NR2C2: variants seen among roughly 807,000 people sequenced by gnomAD.
NR2C2 encodes nuclear receptor subfamily 2 group C member 2, also known as Nuclear hormone receptor TR4.
Under a neutral mutation model 62.9 loss-of-function variants are expected in NR2C2, and 6 were observed. The observed-to-expected ratio is 0.10, with a 90% confidence interval of 0.05 to 0.19. The LOEUF (loss-of-function observed/expected upper bound fraction) is 0.19. Among genes scored for constraint, NR2C2 ranks in the 10% least tolerant of loss-of-function variants. The pLI is 1.00. For missense variants in NR2C2, 479 were observed against 762.7 expected, an observed-to-expected ratio of 0.63 and a Z score of 4.38; for synonymous variants, 272 against 273.8, an observed-to-expected ratio of 0.99 and a Z score of 0.07.
intron 1 of NR2C2, among the ~76,000 whole-genome samples, chr3:14,980,574 A>G (rs185073822): frequency 6.6e-6 from 1 of 152,354 alleles, no homozygotes; most frequent in East Asian, 1.9e-4. Context: ...AGCCACATGG[A>G]AAAATGGGGC....
intron 1 of NR2C2, among the ~76,000 whole-genome samples, chr3:14,952,032 C>G (rs1432797642): frequency 6.6e-6 from 1 of 152,242 alleles, no homozygotes; most frequent in African/African-American, 2.4e-5. Context: ...AGGTGTGAGC[C>G]ACTGCGCCCA....
Position 15,043,016 on chromosome 3 carries a change from C to T in NR2C2, c.*8C>T. The T allele has an allele frequency of 6.2e-7, 1 of 1,611,666 alleles. No homozygotes were observed. Among genetic ancestry groups the T allele is most frequent in the East Asian group, 2.2e-5 (1 of 44,836 alleles). ...ACCGGAGCCAGTCTATAGCGCAAACCACACACCTGCCAAGGAGCAACAGAA... is the reference window on the plus strand; with the variant it reads ...ACCGGAGCCAGTCTATAGCGCAAACTACACACCTGCCAAGGAGCAACAGAA... On this transcript the variant is annotated 3_prime_UTR_variant, in exon 14 of 14. Coordinates refer to ENST00000425241, the MANE Select transcript of NR2C2 (RefSeq NM_001291694.2).
At chr3:14,952,363 G>A (rs981511745) in intron 1 of NR2C2, among the ~76,000 whole-genome samples, 8 of 152,166 alleles carry the variant, frequency 5.3e-5, no homozygotes, top group African/African-American at 1.9e-4. Flanking sequence ...CATATCGAGG[G>A]CCCTCCGTTG....
intron 4 of NR2C2, among the ~76,000 whole-genome samples, chr3:15,019,031 A>T (rs1468189361): frequency 4.0e-5 from 6 of 149,266 alleles, no homozygotes; most frequent in Admixed American, 3.3e-4. Context: ...AAAAAAAAAA[A>T]AAAAAAAAGA....
chr3:15,014,663 C>T (rs1475749836), intron 3 of NR2C2, among the ~76,000 whole-genome samples: 1 of 152,110 alleles, frequency 6.6e-6, no homozygotes, highest in East Asian at 1.9e-4. Context: ...CCCCCTCCCC[C>T]AGCCCCTGGT....
intron 6 of NR2C2, 86 bp from the exon 7 acceptor site, chr3:15,024,029 A>T: frequency 1.0e-6 from 1 of 958,288 alleles, no homozygotes; most frequent in Middle Eastern, 2.8e-4. Flanking sequence ...CAGCTTCACA[A>T]ATGTGGAAGG....
chr3:15,012,977 TC>T (rs1180803365), intron 2 of NR2C2, among the ~76,000 whole-genome samples: 1 of 152,108 alleles, frequency 6.6e-6, no homozygotes. Context: ...TTTATTGTCG[TC>T]TCTCTATGTG....
intron 5 of NR2C2, among the ~76,000 whole-genome samples, chr3:15,022,753 C>T (rs914598837): frequency 2.0e-5 from 3 of 152,066 alleles, no homozygotes; most frequent in Admixed American, 6.6e-5. Flanking sequence ...CAGCTGGGCA[C>T]GGTGGCTTAT....
Position 15,029,870 on chromosome 3 carries a change from GAA to G in NR2C2, c.933-403_933-402del, listed in dbSNP as rs569734404. On this transcript the variant is annotated intron_variant, in intron 8 of 13. Transcript: ENST00000425241. ...AGATAGACCCCATCTCTGAAAGAGA[GAA>G]AGAAAAAGAGAAAGAGACAAAGAGA... Among the ~76,000 whole-genome samples, 49 of 150,000 alleles carry G rather than the reference GAA, an allele frequency of 3.3e-4. 2 individuals are homozygous for G. The South Asian group carries it at 0.01, about 31-fold the overall frequency.
intron 1 of NR2C2, among the ~76,000 whole-genome samples, chr3:14,964,385 ACCTC>A (rs1419561558): frequency 6.6e-6 from 1 of 152,190 alleles, no homozygotes; most frequent in Admixed American, 6.5e-5. Context: ...TGTCAGGAGT[ACCTC>A]CTACCACTAT....
At chr3:15,022,469 G>T (rs1032426575) in intron 5 of NR2C2, among the ~76,000 whole-genome samples, 3 of 139,236 alleles carry the variant, frequency 2.2e-5, no homozygotes, top group Non-Finnish European at 3.0e-5. Context: ...GTGGTGCCGC[G>T]TCTTGGCTCA....
At chr3:15,029,256 A>G (rs2125052306) in intron 8 of NR2C2, among the ~76,000 whole-genome samples, 1 of 151,928 alleles carries the variant, frequency 6.6e-6, no homozygotes, top group Non-Finnish European at 1.5e-5. Flanking sequence ...GCCCTCATGT[A>G]TATTTTTTCT....
intron 1 of NR2C2, among the ~76,000 whole-genome samples, chr3:14,949,691 C>G (rs1372959222): frequency 1.3e-5 from 2 of 152,182 alleles, no homozygotes; most frequent in Non-Finnish European, 2.9e-5. Context: ...ACGAATACTC[C>G]AGGCACTATG....
chr3:15,009,031 A>G (rs2041273022), intron 2 of NR2C2, among the ~76,000 whole-genome samples: 1 of 151,968 alleles, frequency 6.6e-6, no homozygotes, highest in South Asian at 2.1e-4. Context: ...GACCAGCCTG[A>G]CCAACATGGA....
intron 9 of NR2C2, 95 bp downstream of exon 9, chr3:15,030,547 G>A (rs2041955113): frequency 7.6e-7 from 1 of 1,311,770 alleles, no homozygotes; most frequent in African/African-American, 1.5e-5. Flanking sequence ...AAACCTTGGG[G>A]CCAGGCATAG....
chr3:14,976,388 A>C lies in NR2C2; in HGVS notation c.-39-27488A>C, dbSNP rs115797350. On this transcript the variant is annotated intron_variant, in intron 1 of 13. Coordinates refer to ENST00000425241, the MANE Select transcript of NR2C2 (RefSeq NM_001291694.2). ...TTACAGATACTTCCTAGTGTCTCCAACATAGTTGTAAAACTCTCCAGATAC... is the reference window on the plus strand; with the variant it reads ...TTACAGATACTTCCTAGTGTCTCCACCATAGTTGTAAAACTCTCCAGATAC... 4.9e-3 allele frequency among the ~76,000 whole-genome samples: 751 copies of C among 152,260 alleles called. 12 individuals are homozygous for C. Among genetic ancestry groups the C allele is most frequent in the African/African-American group, 0.017 (704 of 41,544 alleles).
chr3:14,958,737 G>C (rs2039600960), intron 1 of NR2C2, among the ~76,000 whole-genome samples: 2 of 152,190 alleles, frequency 1.3e-5, no homozygotes. Context: ...CAGCACTTTG[G>C]AAGGCTGAGG....
Position 15,013,600 on chromosome 3 carries a change from C to A in NR2C2, c.84C>A (p.Asp28Glu). The change falls in exon 3 of 14, where the codon GAC (aspartate) becomes GAA (glutamate). Residue 28 changes from aspartate to glutamate, a missense_variant. By Grantham distance (45) the Asp-to-Glu change is conservative (BLOSUM62 2). This residue lies in a region of NR2C2 where 115 missense variants were observed against 152.3 expected (regional missense o/e 0.76). Transcript: ENST00000425241. Reference protein sequence around the residue: ...ASPQRIQIVTDQQTGQKIQIV... With the variant: ...ASPQRIQIVTEQQTGQKIQIV... ...GTTGTGTCTTATAGATTGTCACAGA[C>A]CAGCAGACAGGACAGAAAATCCAGA... The A allele has an allele frequency of 6.2e-7, 1 of 1,614,036 alleles. No individual in the cohort carries two copies. The highest frequency in any genetic ancestry group is 8.5e-7 in the Non-Finnish European group (1 of 1,179,980).
intron 1 of NR2C2, among the ~76,000 whole-genome samples, chr3:14,997,226 T>C (rs2040858774): frequency 6.6e-6 from 1 of 152,244 alleles, no homozygotes; most frequent in Non-Finnish European, 1.5e-5. Context: ...TGTACAGGTT[T>C]GTAGCCTAGG....
Sources: allele counts gnomAD v4.1 joint callset (sites outside exome capture counted in the v4.1 genomes callset), GRCh38; gene constraint gnomAD v4.1.1; regional missense constraint gnomAD v4.1.1; transcripts MANE v1.5; gene names NCBI Gene and HGNC (gene_info 2026-07-23, HGNC 2026-07-21).